Variants in DOP1A observed in about 807,000 individuals in gnomAD.
The protein encoded by DOP1A is protein DOP1A.
A neutral mutation model predicts 267.6 loss-of-function variants in DOP1A; 90 were observed. That is an observed-to-expected ratio of 0.34 (90% CI 0.28 to 0.40). The LOEUF is 0.40. Among genes scored for constraint, DOP1A ranks in the 10% least tolerant of loss-of-function variants. The pLI is 1.00. For missense variants in DOP1A, 2,437 were observed against 2,900.4 expected (o/e 0.84, Z 3.67); for synonymous variants, 932 against 999.1 (o/e 0.93, Z 1.27).
chr6:83,115,131 T>C, intron 7 of DOP1A, among the ~76,000 whole-genome samples: 1 of 152,224 alleles, frequency 6.6e-6, no homozygotes, highest in South Asian at 2.1e-4. Flanking sequence ...TACACTTCTT[T>C]AACTTGTTTC....
In DOP1A at chr6:83,168,188, T is replaced by C; in HGVS notation, c.*21T>C. 6.3e-7 allele frequency: 1 copy of C among 1,598,442 alleles called. No individual in the cohort carries two copies. The highest frequency in any genetic ancestry group is 8.5e-7 in the Non-Finnish European group (1 of 1,173,844). On this transcript the variant is annotated 3_prime_UTR_variant, in exon 39 of 39. Transcript: ENST00000349129. Reference sequence around the variant, plus strand: ...CTTGAGCACCATTGCTGGTTCCATTTAGCTTACATGTAAATGTAATTATTT... The same window carrying C: ...CTTGAGCACCATTGCTGGTTCCATTCAGCTTACATGTAAATGTAATTATTT...
intron 37 of DOP1A, 25 bp downstream of exon 37, chr6:83,159,985 T>C (rs767457424): frequency 1.2e-6 from 2 of 1,609,802 alleles, no homozygotes; most frequent in Non-Finnish European, 1.7e-6. Flanking sequence ...GGATATTAAA[T>C]GGTTATTTTT....
chr6:83,125,691 A>G lies in DOP1A; in HGVS notation c.1677A>G (p.Pro559=). Residue 559 remains proline (P), a synonymous_variant, in exon 15 of 39, where the codon CCA becomes CCG. Transcript: ENST00000349129. ...GCACTGGAGGTGTTTTGCAGTTTCC[A>G]AGTGGGCAGAACAATTCAGTCAAAG... The part of the protein sequence containing the change: ...SASTGGVLQF[P]SGQNNSVKEW... 1 of 1,613,554 alleles carries G rather than the reference A, an allele frequency of 6.2e-7. No homozygotes were observed. Among genetic ancestry groups the G allele is most frequent in the Non-Finnish European group, 8.5e-7 (1 of 1,179,608 alleles).
chr6:83,151,741 G>T (rs1781722883), intron 28 of DOP1A, 82 bp downstream of exon 28: 3 of 1,470,632 alleles, frequency 2.0e-6, no homozygotes, highest in South Asian at 2.5e-5. Context: ...AAAATAAACT[G>T]AAGTTTCTTT....
chr6:83,142,155 C>A, intron 24 of DOP1A, 109 bp downstream of exon 24: 1 of 1,327,262 alleles, frequency 7.5e-7, no homozygotes, highest in Non-Finnish European at 1.0e-6. Context: ...GAGTGTAAAG[C>A]AAAAGTCTGT....
intron 1 of DOP1A, among the ~76,000 whole-genome samples, chr6:83,071,323 C>T (rs996706693): frequency 1.3e-5 from 2 of 152,100 alleles, no homozygotes; most frequent in African/African-American, 4.8e-5. Context: ...TCTCCTGCCT[C>T]AGCCTCCTGA....
At chr6:83,120,875 G>C (rs983771327) in intron 10 of DOP1A, 84 bp downstream of exon 10, 2 of 1,080,756 alleles carry the variant, frequency 1.9e-6, no homozygotes, top group Non-Finnish European at 1.3e-6. Flanking sequence ...CAGGGAAATT[G>C]TTATATTTTG....
chr6:83,160,610 T>C (rs933763428), intron 37 of DOP1A, among the ~76,000 whole-genome samples: 5 of 152,172 alleles, frequency 3.3e-5, no homozygotes, highest in Non-Finnish European at 5.9e-5. Flanking sequence ...GGAGGCAGTT[T>C]TATCTTAGAT....
intron 30 of DOP1A, among the ~76,000 whole-genome samples, chr6:83,152,620 C>CTTTTTTT (rs35823510): frequency 3.7e-5 from 5 of 133,886 alleles, no homozygotes; most frequent in Non-Finnish European, 8.1e-5. Flanking sequence ...TTTTCTTTTT[C>CTTTTTTT]TTTTTTTTTT....
intron 1 of DOP1A, among the ~76,000 whole-genome samples, chr6:83,069,106 G>A (rs1282369195): frequency 6.6e-6 from 1 of 152,202 alleles, no homozygotes; most frequent in Non-Finnish European, 1.5e-5. Context: ...GCTCTGGCCT[G>A]GGAATGAAGA....
rs149821401 is a variant in DOP1A, at chr6:83,125,589, C to G, written c.1575C>G (p.His525Gln). 7.7e-5 allele frequency: 125 copies of G among 1,613,880 alleles called. No homozygotes were observed. The Middle Eastern group carries it at 3.0e-3, about 38-fold the overall frequency. ...TGACAAGCCATCTCCAGACATTGCACTTATCTGAACTCACAGATTCTCTCA... is the reference window on the plus strand; with the variant it reads ...TGACAAGCCATCTCCAGACATTGCAGTTATCTGAACTCACAGATTCTCTCA... ...SALTSHLQTL[H>Q]LSELTDSLRL... Residue 525 changes from histidine to glutamine, a missense_variant, in exon 15 of 39, where the codon CAC (histidine) becomes CAG (glutamine). His to Gln is a conservative substitution (Grantham distance 24). Transcript: ENST00000349129.
chr6:83,081,917 A>T (rs1010335467), intron 1 of DOP1A, among the ~76,000 whole-genome samples: 1 of 152,208 alleles, frequency 6.6e-6, no homozygotes, highest in East Asian at 1.9e-4. Flanking sequence ...GCCAACAGGT[A>T]TATGAAAAAA....
intron 17 of DOP1A, among the ~76,000 whole-genome samples, chr6:83,130,703 G>T (rs992071846): frequency 1.3e-5 from 2 of 151,956 alleles, no homozygotes; most frequent in African/African-American, 4.8e-5. Flanking sequence ...AGAGGAAAGC[G>T]GTAGAACTTA....
At chr6:83,118,751 T>A (rs2128208461) in intron 7 of DOP1A, 137 bp from the exon 8 acceptor site, 1 of 541,154 alleles carries the variant, frequency 1.8e-6, no homozygotes, top group Non-Finnish European at 3.1e-6. Context: ...GGAAGTAATA[T>A]CCTGTGTTTG....
chr6:83,070,927 T>G (rs1582820721), intron 1 of DOP1A, among the ~76,000 whole-genome samples: 1 of 152,354 alleles, frequency 6.6e-6, no homozygotes, highest in Middle Eastern at 3.4e-3. Context: ...TTTATATCAA[T>G]GTGATTATTA....
In DOP1A at chr6:83,129,277, G is replaced by A. The variant is rs1279842503; in HGVS notation, c.2110G>A (p.Ala704Thr). 1 of 1,611,114 alleles carries A rather than the reference G, an allele frequency of 6.2e-7. No individual in the cohort carries two copies. The highest frequency in any genetic ancestry group is 1.7e-5 in the Admixed American group (1 of 59,610). Reference sequence around the variant, plus strand: ...GAATAACTCTTTTTCTCAGTCTTTGGCTACAGAACATCAAGGGGATCTTGG... The same window carrying A: ...GAATAACTCTTTTTCTCAGTCTTTGACTACAGAACATCAAGGGGATCTTGG... ...IQNNSFSQSL[A>T]TEHQGDLGRE... The change falls in exon 16 of 39, where the codon GCT becomes ACT. Residue 704 changes from alanine to threonine, a missense_variant. Physicochemically the swap from Ala to Thr is moderately conservative, Grantham distance 58. This residue lies in a region of DOP1A where 498 missense variants were observed against 513.5 expected (regional missense o/e 0.97). Transcript: ENST00000349129.
At chr6:83,153,248 G>A (rs1782089842) in intron 30 of DOP1A, 1 of 238,026 alleles carries the variant, frequency 4.2e-6, no homozygotes, top group Admixed American at 5.6e-5. Flanking sequence ...TGTCACAGAA[G>A]GTTCTTGAAC....
rs1460234837 is a variant in DOP1A at position 83,167,993 on chromosome 6, C to T, written c.7224C>T (p.Asn2408=). 6.2e-7 allele frequency: 1 copy of T among 1,614,034 alleles called. No individual in the cohort carries two copies. Among genetic ancestry groups the T allele is most frequent in the Non-Finnish European group, 8.5e-7 (1 of 1,180,044 alleles). ...TCAATGTGCTCAGTCAAGTCTTCAA[C>T]AGCAAAGTCACAAGCCGATGTGGAG... is the stretch of plus-strand genomic sequence containing the variant. ...PFFNVLSQVF[N]SKVTSRCGGH... The change falls in exon 39 of 39, where the codon AAC becomes AAT. Residue 2408 remains asparagine, a synonymous_variant. Transcript: ENST00000349129.
intron 6 of DOP1A, among the ~76,000 whole-genome samples, chr6:83,111,625 G>A (rs1345402532): frequency 6.6e-6 from 1 of 151,988 alleles, no homozygotes; most frequent in Non-Finnish European, 1.5e-5. Context: ...AAAGACTAAC[G>A]ATGAACATCT....
Sources: allele counts gnomAD v4.1 joint callset (sites outside exome capture counted in the v4.1 genomes callset), GRCh38; gene constraint gnomAD v4.1.1; regional missense constraint gnomAD v4.1.1; transcripts MANE v1.5; gene names NCBI Gene and HGNC (gene_info 2026-07-23, HGNC 2026-07-21).